The following HFM1 variants were observed in gnomAD, a reference collection of about 807,000 sequenced individuals.
The protein encoded by HFM1 is helicase for meiosis 1, also known as probable ATP-dependent DNA helicase HFM1.
In HFM1, 169 loss-of-function variants were observed where a neutral mutation model predicts 192.1. The ratio of observed to expected loss-of-function variants is 0.88; its 90% CI spans 0.78 to 1.00. The LOEUF (loss-of-function observed/expected upper bound fraction) is 1.00. Ranked by LOEUF, HFM1 falls within the 50% of genes least tolerant of loss-of-function variation. The pLI is 0.00. For synonymous variants in HFM1, 525 were observed against 537.8 expected, an observed-to-expected ratio of 0.98 and a Z score of 0.33; for missense variants, 1,661 against 1,668.0, an observed-to-expected ratio of 1.00 and a Z score of 0.07.
At position 91,324,676 on chromosome 1, in the gene HFM1, A is replaced by G. The variant is rs1238652632; in HGVS notation, c.2426T>C (p.Leu809Pro). 7.5e-7 allele frequency: 1 copy of G among 1,339,032 alleles called. No individual in the cohort carries two copies. The highest frequency in any genetic ancestry group is 1.2e-5 in the South Asian group (1 of 84,120). The allele number at this position is 1,339,032 out of a possible 1,614,324, so 82.9% of individuals were successfully genotyped here. A position where few individuals can be genotyped will look rare whatever the true frequency, so the allele number is the denominator to read the frequency against. The part of the protein sequence containing the change: ...TISGKETLSD[L>P]VTLIAGCKEF... The stretch of plus-strand genomic sequence containing the variant: ...TTTTTCTAGTGAAAATTAATTTACC[A>G]GATCTGATAAGGTTTCTTTTCCACT... The change falls in exon 21 of 39, where the codon CTG becomes CCG. Residue 809 changes from leucine (L) to proline (P), a missense_variant and splice_region_variant. Leu to Pro is a moderately conservative substitution (Grantham distance 98). Coordinates refer to ENST00000370425, the MANE Select transcript of HFM1 (RefSeq NM_001017975.6).
At chr1:91,354,712 A>G (rs886828426) in intron 13 of HFM1, among the ~76,000 whole-genome samples, 1 of 152,160 alleles carries the variant, frequency 6.6e-6, no homozygotes, top group South Asian at 2.1e-4. Flanking sequence ...AAAGAAGACA[A>G]TATTGCCAGT....
rs762448675 is a variant in HFM1 at position 91,366,690 on chromosome 1, G to A, written c.1685+8668C>T. Among the ~76,000 whole-genome samples, 76 of 152,204 alleles carry A rather than the reference G, an allele frequency of 5.0e-4. 1 individual carries two copies. The highest frequency in any genetic ancestry group is 2.0e-3 in the Admixed American group (31 of 15,282). The stretch of plus-strand genomic sequence containing the variant: ...ACAGCTCCAGTCTACACCTCCCAGC[G>A]TGAGCAATGCAGAAGACAGGTGATT... On this transcript the variant is annotated intron_variant, in intron 13 of 38. Coordinates refer to ENST00000370425, the MANE Select transcript of HFM1 (RefSeq NM_001017975.6).
chr1:91,329,281 AT>A (rs1279258744), intron 20 of HFM1: 2 of 1,609,452 alleles, frequency 1.2e-6, no homozygotes, highest in Non-Finnish European at 1.7e-6. Flanking sequence ...AGCGAGCCAA[AT>A]GAAGAAGAGC....
intron 30 of HFM1, among the ~76,000 whole-genome samples, chr1:91,306,953 T>C (rs1259841768): frequency 3.9e-5 from 6 of 152,218 alleles, no homozygotes; most frequent in Non-Finnish European, 8.8e-5. Flanking sequence ...ACCCAAACTA[T>C]GTCAAATTTA....
chr1:91,329,067 G>C, intron 20 of HFM1: 1 of 1,610,436 alleles, frequency 6.2e-7, no homozygotes, highest in Non-Finnish European at 8.5e-7. Context: ...CATCCTGCTA[G>C]GCAGTGACTA....
intron 34 of HFM1, among the ~76,000 whole-genome samples, chr1:91,268,547 C>T (rs796763949): frequency 1.3e-4 from 20 of 151,912 alleles, no homozygotes; most frequent in African/African-American, 4.3e-4. Flanking sequence ...TTATGAGGCG[C>T]TAAATGCCTT....
chr1:91,313,827 C>CA (rs1223151990), intron 29 of HFM1, 130 bp downstream of exon 29: 1 of 489,590 alleles, frequency 2.0e-6, no homozygotes, highest in East Asian at 3.3e-5. Flanking sequence ...GAAGTTTATT[C>CA]ATATTATCTA....
chr1:91,350,356 T>A (rs755967492), intron 18 of HFM1, among the ~76,000 whole-genome samples: 1 of 152,136 alleles, frequency 6.6e-6, no homozygotes, highest in African/African-American at 2.4e-5. Flanking sequence ...TTTCATTTCT[T>A]ATAAACTGAA....
chr1:91,270,182 GT>G (rs1666147744), intron 34 of HFM1, among the ~76,000 whole-genome samples: 2 of 152,116 alleles, frequency 1.3e-5, no homozygotes, highest in South Asian at 4.2e-4. Flanking sequence ...TTAAGCTAGA[GT>G]ATCAGCAGAA....
At chr1:91,397,102 C>A (rs1490487038) in intron 2 of HFM1, among the ~76,000 whole-genome samples, 1 of 152,202 alleles carries the variant, frequency 6.6e-6, no homozygotes, top group Non-Finnish European at 1.5e-5. Context: ...AAACTGTCCA[C>A]AAATTCAGTG....
intron 18 of HFM1, among the ~76,000 whole-genome samples, chr1:91,348,622 AC>A (rs1474696177): frequency 6.6e-6 from 1 of 152,224 alleles, no homozygotes; most frequent in African/African-American, 2.4e-5. Context: ...TTTAGCTATT[AC>A]AAAAAAAAGC....
intron 20 of HFM1, among the ~76,000 whole-genome samples, chr1:91,327,025 T>C (rs1469014278): frequency 1.3e-5 from 2 of 151,776 alleles, no homozygotes; most frequent in Non-Finnish European, 2.9e-5. Context: ...ATACAACAGA[T>C]ACACAAAAAA....
chr1:91,263,191 T>C (rs1665329224), intron 36 of HFM1, among the ~76,000 whole-genome samples: 1 of 151,924 alleles, frequency 6.6e-6, no homozygotes, highest in South Asian at 2.1e-4. Flanking sequence ...AAAAAGAAAA[T>C]GAACTGGGTA....
chr1:91,346,518 A>G (rs1472434341), intron 19 of HFM1, among the ~76,000 whole-genome samples: 2 of 152,190 alleles, frequency 1.3e-5, no homozygotes, highest in Non-Finnish European at 2.9e-5. Context: ...CTTTATCTTT[A>G]TCTCTGCATT....
chr1:91,265,555 A>T (rs1199248622), intron 36 of HFM1, among the ~76,000 whole-genome samples: 2 of 152,184 alleles, frequency 1.3e-5, no homozygotes, highest in East Asian at 3.9e-4. Flanking sequence ...CAGCACTCAA[A>T]GCCCTTACAA....
intron 36 of HFM1, among the ~76,000 whole-genome samples, chr1:91,263,343 G>T (rs1159023079): frequency 6.6e-6 from 1 of 152,206 alleles, no homozygotes; most frequent in Admixed American, 6.5e-5. Flanking sequence ...GGCAGTGTGG[G>T]TGGAGACAGG....
At chr1:91,277,729 AAT>A (rs1343676342) in intron 30 of HFM1, among the ~76,000 whole-genome samples, 4 of 122,638 alleles carry the variant, frequency 3.3e-5, no homozygotes, top group Non-Finnish European at 6.3e-5. Flanking sequence ...AATATATACT[AAT>A]ATATATAATA....
intron 1 of HFM1, among the ~76,000 whole-genome samples, chr1:91,401,566 T>G (rs557274052): frequency 6.6e-6 from 1 of 152,204 alleles, no homozygotes; most frequent in Non-Finnish European, 1.5e-5. Flanking sequence ...CAATATACTA[T>G]GTACATATGC....
Position 91,295,469 on chromosome 1 carries a change from T to C in HFM1, c.3391+17880A>G, listed in dbSNP as rs186743013. On this transcript the variant is annotated intron_variant, in intron 30 of 38. Coordinates refer to ENST00000370425, the MANE Select transcript of HFM1 (RefSeq NM_001017975.6). Reference sequence around the variant, plus strand: ...GATCTTCCCTCCATGTGTGCCTGTATCCTAATTTCCTCTTCTTATAAGAAC... The same window carrying C: ...GATCTTCCCTCCATGTGTGCCTGTACCCTAATTTCCTCTTCTTATAAGAAC... Among the ~76,000 whole-genome samples, 23 of 152,288 alleles carry C rather than the reference T, an allele frequency of 1.5e-4. No individual in the cohort carries two copies. In the East Asian group the frequency reaches 4.4e-3, roughly 29 times the overall value.
Sources: gnomAD v4.1 joint callset for allele counts (sites outside exome capture counted in the v4.1 genomes callset) on GRCh38, gnomAD v4.1.1 for gene constraint, MANE v1.5 for transcripts, NCBI Gene and HGNC (gene_info 2026-07-23, HGNC 2026-07-21) for gene names.